Variants in RXFP1 observed in about 807,000 individuals in gnomAD.
The protein encoded by RXFP1 is relaxin family peptide receptor 1.
A neutral mutation model predicts 89.8 loss-of-function variants in RXFP1; 73 were observed. The observed-to-expected ratio is 0.81, with a 90% CI of 0.67 to 0.99. RXFP1 has a LOEUF of 0.99. Among genes scored for constraint, RXFP1 ranks in the 50% least tolerant of loss-of-function variants. The pLI is 0.00. For missense variants in RXFP1, 793 were observed against 895.5 expected, an observed-to-expected ratio of 0.89 and a Z score of 1.46; for synonymous variants, 277 against 305.5, an observed-to-expected ratio of 0.91 and a Z score of 0.97.
chr4:158,628,227 G>A (rs566705717), intron 10 of RXFP1, among the ~76,000 whole-genome samples: 9 of 152,202 alleles, frequency 5.9e-5, no homozygotes, highest in South Asian at 2.1e-4. Context: ...AGGCAGATCC[G>A]CCCGAAATCA....
chr4:158,579,925 C>T (rs1405809136), intron 2 of RXFP1, among the ~76,000 whole-genome samples: 2 of 152,090 alleles, frequency 1.3e-5, no homozygotes, highest in Non-Finnish European at 2.9e-5. Flanking sequence ...GGTATGGCTA[C>T]AAGAGACACC....
At chr4:158,607,789 G>T (rs947883219) in intron 5 of RXFP1, among the ~76,000 whole-genome samples, 183 bp from the exon 6 acceptor site, 2 of 151,918 alleles carry the variant, frequency 1.3e-5, no homozygotes, top group African/African-American at 4.8e-5. Flanking sequence ...ATGTTTAATC[G>T]TCATCAAATA....
At chr4:158,524,245 C>T (rs62352887) in intron 1 of RXFP1, among the ~76,000 whole-genome samples, 26,274 of 152,120 alleles carry the variant, frequency 0.17, 2,375 homozygotes, top group South Asian at 0.28. Context: ...TTTCAGAGCC[C>T]GTGCTCTCTC....
intron 2 of RXFP1, among the ~76,000 whole-genome samples, chr4:158,584,861 C>T (rs116536861): frequency 3.3e-3 from 499 of 152,208 alleles, no homozygotes; most frequent in African/African-American, 0.012. Context: ...AATTCATATG[C>T]CAATGGAGAC....
chr4:158,527,564 A>AAATATATATATATATATAT (rs5741905), intron 1 of RXFP1, among the ~76,000 whole-genome samples: 6 of 98,326 alleles, frequency 6.1e-5, no homozygotes, highest in African/African-American at 1.4e-4. Flanking sequence ...AAAAAAAAAA[A>AAATATATATATATATATAT]ATATATATAT....
At chr4:158,603,821 C>G (rs1354646448) in intron 4 of RXFP1, among the ~76,000 whole-genome samples, 1 of 150,958 alleles carries the variant, frequency 6.6e-6, no homozygotes, top group Admixed American at 6.6e-5. Context: ...ACCCAGGAGG[C>G]AGAGGTTGCA....
chr4:158,605,007 T>C, intron 4 of RXFP1, 61 bp from the exon 5 acceptor site: 1 of 905,888 alleles, frequency 1.1e-6, no homozygotes, highest in Non-Finnish European at 1.8e-6. Context: ...TTATCCCTAT[T>C]GTTGTAATTT....
At chr4:158,595,072 T>G (rs1487397605) in intron 3 of RXFP1, among the ~76,000 whole-genome samples, 3 of 152,224 alleles carry the variant, frequency 2.0e-5, no homozygotes, top group Non-Finnish European at 4.4e-5. Context: ...AGTTCAATTA[T>G]TTAAAAGAGT....
chr4:158,611,685 C>T (rs1354974291), intron 6 of RXFP1, among the ~76,000 whole-genome samples: 2 of 152,248 alleles, frequency 1.3e-5, no homozygotes, highest in Non-Finnish European at 2.9e-5. Context: ...CCTGGCTCCT[C>T]ATTCCTCCAC....
intron 1 of RXFP1, among the ~76,000 whole-genome samples, chr4:158,569,283 A>C (rs556577281): frequency 2.6e-5 from 4 of 152,252 alleles, no homozygotes; most frequent in Non-Finnish European, 5.9e-5. Flanking sequence ...AGATAGTAAA[A>C]TGTTCAGTGG....
intron 1 of RXFP1, among the ~76,000 whole-genome samples, chr4:158,567,858 G>C (rs1180407827): frequency 6.6e-6 from 1 of 152,200 alleles, no homozygotes; most frequent in African/African-American, 2.4e-5. Flanking sequence ...AATAAAAGCA[G>C]GCTGCCCAAG....
intron 11 of RXFP1, among the ~76,000 whole-genome samples, chr4:158,632,885 G>A (rs901010230): frequency 2.0e-5 from 3 of 152,120 alleles, no homozygotes; most frequent in African/African-American, 7.2e-5. Flanking sequence ...ATTAAAACCA[G>A]ATCAGGCCAG....
At chr4:158,624,955 A>T (rs938032320) in intron 9 of RXFP1, among the ~76,000 whole-genome samples, 4 of 152,166 alleles carry the variant, frequency 2.6e-5, no homozygotes, top group African/African-American at 9.6e-5. Flanking sequence ...CCTCTTTTTG[A>T]TTTTCACAAA....
chr4:158,592,544 A>T (rs1759707899), intron 2 of RXFP1, among the ~76,000 whole-genome samples: 1 of 152,208 alleles, frequency 6.6e-6, no homozygotes, highest in Admixed American at 6.5e-5. Context: ...ATTGCCCTCC[A>T]GCCTGGGCTA....
intron 1 of RXFP1, among the ~76,000 whole-genome samples, chr4:158,562,083 C>T (rs1286255216): frequency 2.0e-5 from 3 of 152,076 alleles, no homozygotes. Flanking sequence ...ACTTAATTGC[C>T]TGTTTTAAGT....
chr4:158,622,770 C>G (rs566330635), intron 9 of RXFP1, among the ~76,000 whole-genome samples: 47 of 152,216 alleles, frequency 3.1e-4, no homozygotes, highest in Admixed American at 3.1e-3. Flanking sequence ...GATGAATAAG[C>G]ATACAGATCT....
chr4:158,550,696 A>C (rs1209858783), intron 1 of RXFP1, among the ~76,000 whole-genome samples: 1 of 152,194 alleles, frequency 6.6e-6, no homozygotes, highest in African/African-American at 2.4e-5. Context: ...AAACATCAAT[A>C]ACCTTTCAGG....
At chr4:158,623,342 CAAAAAA>C (rs35034196) in intron 9 of RXFP1, among the ~76,000 whole-genome samples, 1 of 106,332 alleles carries the variant, frequency 9.4e-6, no homozygotes, top group African/African-American at 3.1e-5. Context: ...CTACTAAATA[CAAAAAA>C]AAAAAAAAAA....
chr4:158,530,098 A>C lies in RXFP1; in HGVS notation c.49+8073A>C, dbSNP rs574739459. Among the ~76,000 whole-genome samples, 9 of 152,356 alleles carry C rather than the reference A, an allele frequency of 5.9e-5. No individual in the cohort carries two copies. The South Asian group carries it at 1.9e-3, about 32-fold the overall frequency. On this transcript the variant is annotated intron_variant, in intron 1 of 17. Transcript: ENST00000307765. ...TTCCTGTAGTTGCAGCCATTTAAAC[A>C]GATAAATTTTACTTTACAGAGTTTA...
Sources: gnomAD v4.1 joint callset for allele counts (sites outside exome capture counted in the v4.1 genomes callset) on GRCh38, gnomAD v4.1.1 for gene constraint, MANE v1.5 for transcripts, NCBI Gene and HGNC (gene_info 2026-07-23, HGNC 2026-07-21) for gene names.